The following BUB1 variants were observed in gnomAD, a reference collection of about 807,000 sequenced individuals.
BUB1 encodes the protein mitotic checkpoint serine/threonine-protein kinase BUB1.
In BUB1, 84 loss-of-function variants were observed where a neutral mutation model predicts 135.2. The observed-to-expected ratio is 0.62, with a 90% CI of 0.52 to 0.74. The LOEUF (loss-of-function observed/expected upper bound fraction) is 0.74. Among genes scored for constraint, BUB1 ranks in the 30% least tolerant of loss-of-function variants. BUB1 has a pLI of 0.00. For missense variants in BUB1, 1,162 were observed against 1,288.3 expected (o/e 0.90, Z 1.50); for synonymous variants, 403 against 434.4 (o/e 0.93, Z 0.90).
At chr2:110,653,107 T>C (rs1188456157) in intron 17 of BUB1, among the ~76,000 whole-genome samples, 2 of 152,228 alleles carry the variant, frequency 1.3e-5, no homozygotes, top group South Asian at 4.1e-4. Flanking sequence ...TGTGACAGTT[T>C]CTTAGTCTTT....
chr2:110,662,268 T>C (rs916921211), intron 9 of BUB1, among the ~76,000 whole-genome samples: 1 of 152,020 alleles, frequency 6.6e-6, no homozygotes, highest in Non-Finnish European at 1.5e-5. Context: ...AAAAAATAAA[T>C]AAATAAAATA....
In BUB1 at chr2:110,678,047, C is replaced by A. The variant is rs1690643962; in HGVS notation, c.-52G>T. On this transcript the variant is annotated 5_prime_UTR_variant, in exon 1 of 25. Transcript: ENST00000302759. ...CCAAACCTGAACCGCAAACTAGAAG[C>A]CGCCGCCGATTCGAATACCCCGCGC... The A allele has an allele frequency of 6.4e-7, 1 of 1,565,424 alleles. No homozygotes were observed. The highest frequency in any genetic ancestry group is 8.6e-7 in the Non-Finnish European group (1 of 1,158,220).
intron 24 of BUB1, 81 bp downstream of exon 24, chr2:110,639,661 T>C: frequency 3.9e-5 from 7 of 181,560 alleles, no homozygotes; most frequent in Non-Finnish European, 7.2e-5. Context: ...GCAGAGATCC[T>C]TTTTTTTTTT....
At position 110,658,204 on chromosome 2, in the gene BUB1, C is replaced by CTT. The variant is rs79645151; in HGVS notation, c.1516+204_1516+205dup. Among the ~76,000 whole-genome samples, 813 of 144,390 alleles carry CTT rather than the reference C, an allele frequency of 5.6e-3. 8 individuals carry two copies. The highest frequency in any genetic ancestry group is 6.2e-3 in the Non-Finnish European group (409 of 65,532). 94.7% of individuals were successfully genotyped at this position (144,390 alleles called of 152,430 possible). ...GGTTTTGTCCTTCTTTAGCACTATT[C>CTT]TTTTTTTTTTTTTCCCTTTAATCAA... is the stretch of plus-strand genomic sequence containing the variant. On this transcript the variant is annotated intron_variant, in intron 13 of 24. Transcript: ENST00000302759.
In BUB1 at chr2:110,661,600, A is replaced by G; in HGVS notation, c.1199T>C (p.Val400Ala). Residue 400 changes from valine to alanine, a missense_variant, in exon 10 of 25, where the codon GTG becomes GCG. Val to Ala is a moderately conservative substitution (Grantham distance 64, BLOSUM62 0). Transcript: ENST00000302759. ...AQTVTDSMFA[V>A]ASKDAGCVNK... ...AGCTTACCCAGCATCTTTGCTGGCCACTGCAAACATGGAGTCTGTTACTGT... is the reference window on the plus strand; with the variant it reads ...AGCTTACCCAGCATCTTTGCTGGCCGCTGCAAACATGGAGTCTGTTACTGT... 1 of 1,614,128 alleles carries G rather than the reference A, an allele frequency of 6.2e-7. No homozygotes were observed.
chr2:110,667,828 T>G lies in BUB1; in HGVS notation c.589A>C (p.Ile197Leu), dbSNP rs771265009. 1 of 1,613,426 alleles carries G rather than the reference T, an allele frequency of 6.2e-7. No individual in the cohort carries two copies. Reference sequence around the variant, plus strand: ...GACTCTTTATCACAAGCTGAAGATATCACTCCAGAAAGCTCTGAACCCTAA... The same window carrying G: ...GACTCTTTATCACAAGCTGAAGATAGCACTCCAGAAAGCTCTGAACCCTAA... ...KNQGSELSGV[I>L]SSACDKESNM... Residue 197 changes from isoleucine to leucine, a missense_variant, in exon 7 of 25, where the codon ATA becomes CTA. Coordinates refer to ENST00000302759, the MANE Select transcript of BUB1 (RefSeq NM_004336.5).
At position 110,649,737 on chromosome 2, in the gene BUB1, G is replaced by A. The variant is rs527369999; in HGVS notation, c.2204-360C>T. ...TGGACATTAGTTACTTCTAATGTGC[G>A]CAGATAGACACATATTATTTAATTT... On this transcript the variant is annotated intron_variant, in intron 18 of 24. Coordinates refer to ENST00000302759, the MANE Select transcript of BUB1 (RefSeq NM_004336.5). 6.6e-5 allele frequency among the ~76,000 whole-genome samples: 10 copies of A among 152,244 alleles called. No homozygotes were observed. In the East Asian group the frequency reaches 1.4e-3, roughly 21 times the overall value.
At position 110,642,216 on chromosome 2, in the gene BUB1, A is replaced by G; in HGVS notation, c.2366T>C (p.Val789Ala). The stretch of plus-strand genomic sequence containing the variant: ...GGCTCCTTCTCCAAGAAGGTGATGG[A>G]CATAGACCAGCTTAGAACCTTAGAA... ...EFQLGSKLVY[V>A]HHLLGEGAFA... Residue 789 changes from valine to alanine, a missense_variant, in exon 20 of 25, where the codon GTC (valine) becomes GCC (alanine). By Grantham distance (64) the Val-to-Ala change is moderately conservative. Coordinates refer to ENST00000302759, the MANE Select transcript of BUB1 (RefSeq NM_004336.5). The G allele has an allele frequency of 6.2e-7, 1 of 1,612,660 alleles. No individual in the cohort carries two copies. Among genetic ancestry groups the G allele is most frequent in the Non-Finnish European group, 8.5e-7 (1 of 1,179,170 alleles).
chr2:110,668,627 C>T (rs1690333478), intron 6 of BUB1, among the ~76,000 whole-genome samples: 1 of 152,052 alleles, frequency 6.6e-6, no homozygotes, highest in Non-Finnish European at 1.5e-5. Context: ...AAACATGAGG[C>T]TGAGGGAAGA....
intron 19 of BUB1, among the ~76,000 whole-genome samples, chr2:110,645,423 T>TA (rs1487802950): frequency 6.8e-6 from 1 of 146,332 alleles, no homozygotes; most frequent in Non-Finnish European, 1.5e-5. Context: ...GCCTGGGTGA[T>TA]AGAGCGAGAC....
intron 3 of BUB1, among the ~76,000 whole-genome samples, chr2:110,673,587 T>C (rs1399345174): frequency 6.6e-6 from 1 of 151,960 alleles, no homozygotes; most frequent in Non-Finnish European, 1.5e-5. Context: ...CACATACTTT[T>C]TTTTTGGTGG....
chr2:110,652,253 A>C (rs2104529474), intron 17 of BUB1, among the ~76,000 whole-genome samples: 1 of 152,304 alleles, frequency 6.6e-6, no homozygotes, highest in South Asian at 2.1e-4. Flanking sequence ...GTTCTGAGCT[A>C]AGGTTGAACA....
At chr2:110,663,640 T>C (rs1358550211) in intron 9 of BUB1, among the ~76,000 whole-genome samples, 4 of 152,188 alleles carry the variant, frequency 2.6e-5, no homozygotes, top group Admixed American at 2.0e-4. Context: ...GTGTCCCTAA[T>C]TGCTAGACAA....
At chr2:110,677,503 T>C (rs1690623133) in intron 1 of BUB1, among the ~76,000 whole-genome samples, 1 of 152,156 alleles carries the variant, frequency 6.6e-6, no homozygotes, top group Non-Finnish European at 1.5e-5. Flanking sequence ...TTTTTTTTTC[T>C]TAAAGTACCC....
intron 11 of BUB1, 89 bp from the exon 12 acceptor site, chr2:110,658,831 A>G (rs1405352583): frequency 6.7e-7 from 1 of 1,501,848 alleles, no homozygotes; most frequent in African/African-American, 1.4e-5. Flanking sequence ...TACAATTAAA[A>G]CAGTTTGTCA....
In BUB1 at chr2:110,657,535, T is replaced by C; in HGVS notation, c.1616+11A>G. On this transcript the variant is annotated intron_variant, in intron 14 of 24. Transcript: ENST00000302759. The stretch of plus-strand genomic sequence containing the variant: ...CGGCAGCATCCCATTAACTAGATGG[T>C]ATTTTTTTACCCATAATTTTCTTTG... 3 of 1,584,432 alleles carry C rather than the reference T, an allele frequency of 1.9e-6. No homozygotes were observed. The highest frequency in any genetic ancestry group is 1.8e-5 in the Admixed American group (1 of 56,292).
intron 5 of BUB1, 34 bp downstream of exon 5, chr2:110,670,491 A>ATTTGT: frequency 1.2e-6 from 2 of 1,610,106 alleles, no homozygotes; most frequent in East Asian, 4.5e-5. Context: ...GACTAAATGG[A>ATTTGT]CAACAACAGG....
chr2:110,667,565 A>G lies in BUB1; in HGVS notation c.761T>C (p.Leu254Ser), dbSNP rs1196597586. ...CCGTTGATTGTATTTCTGGGCTCTC[A>G]ATTCTTCAAAGGAAAATTCTGATTC... ...RGESEFSFEELRAQKYNQRRK... is the reference protein window; with the variant it reads ...RGESEFSFEESRAQKYNQRRK... Residue 254 changes from leucine (L) to serine (S), a missense_variant, in exon 8 of 25, where the codon TTG (leucine) becomes TCG (serine). Leu to Ser is a moderately radical substitution (Grantham distance 145). Transcript: ENST00000302759. 6.2e-7 allele frequency: 1 copy of G among 1,614,006 alleles called. No individual in the cohort carries two copies. Among genetic ancestry groups the G allele is most frequent in the East Asian group, 2.2e-5 (1 of 44,862 alleles).
In BUB1 at chr2:110,661,721, G is replaced by A. The variant is rs1183046750; in HGVS notation, c.1078C>T (p.Pro360Ser). ...NMEKNPREAP[P>S]VVPPLANAIS... is the part of the protein sequence containing the mutation. Reference sequence around the variant, plus strand: ...GCATTTGCCAAAGGAGGAACAACAGGAGGTGCCTCTCTTGGGTTCTTTTCC... The same window carrying A: ...GCATTTGCCAAAGGAGGAACAACAGAAGGTGCCTCTCTTGGGTTCTTTTCC... The change falls in exon 10 of 25, where the codon CCT (proline) becomes TCT (serine). Residue 360 changes from proline (P) to serine (S), a missense_variant. Physicochemically the swap from Pro to Ser is moderately conservative, Grantham distance 74 (BLOSUM62 -1). Transcript: ENST00000302759. 1.2e-6 allele frequency: 2 copies of A among 1,614,212 alleles called. No homozygotes were observed. Among genetic ancestry groups the A allele is most frequent in the East Asian group, 2.2e-5 (1 of 44,880 alleles).
Sources: gnomAD v4.1 joint callset for allele counts (sites outside exome capture counted in the v4.1 genomes callset) on GRCh38, gnomAD v4.1.1 for gene constraint, MANE v1.5 for transcripts, NCBI Gene and HGNC (gene_info 2026-07-23, HGNC 2026-07-21) for gene names.